The following LMBRD1 variants were observed in gnomAD, a reference collection of about 807,000 sequenced individuals.
LMBRD1 encodes the protein lysosomal cobalamin transport escort protein LMBD1.
LMBRD1 carries 64 observed loss-of-function variants against 74.8 expected under a neutral mutation model. The observed-to-expected ratio is 0.86, with a 90% CI of 0.70 to 1.05. The LOEUF (loss-of-function observed/expected upper bound fraction) is 1.05. Among genes scored for constraint, LMBRD1 ranks in the 50% least tolerant of loss-of-function variants. LMBRD1 has a pLI of 0.00. For synonymous variants in LMBRD1, 204 were observed against 216.3 expected (o/e 0.94, Z 0.50); for missense variants, 652 against 645.9 (o/e 1.01, Z -0.10).
At chr6:69,735,559 A>T (rs563142462) in intron 7 of LMBRD1, among the ~76,000 whole-genome samples, 41 of 152,336 alleles carry the variant, frequency 2.7e-4, no homozygotes, top group Non-Finnish European at 4.6e-4. Context: ...ATTGATTTAA[A>T]TAATTTTCAA....
intron 2 of LMBRD1, among the ~76,000 whole-genome samples, chr6:69,789,325 C>G (rs1468853552): frequency 2.0e-5 from 3 of 152,044 alleles, no homozygotes; most frequent in Non-Finnish European, 4.4e-5. Context: ...AAGTTTAAGA[C>G]CAGCCTGGCC....
At chr6:69,680,862 C>G (rs903084980) in intron 14 of LMBRD1, among the ~76,000 whole-genome samples, 2 of 152,066 alleles carry the variant, frequency 1.3e-5, no homozygotes, top group African/African-American at 4.8e-5. Flanking sequence ...CCGTTCTTCA[C>G]CATCTGCCAT....
chr6:69,676,431 G>T lies in LMBRD1; in HGVS notation c.1509+19C>A. 1 of 1,600,078 alleles carries T rather than the reference G, an allele frequency of 6.2e-7. No homozygotes were observed. Among genetic ancestry groups the T allele is most frequent in the African/African-American group, 1.3e-5 (1 of 74,686 alleles). On this transcript the variant is annotated intron_variant, in intron 15 of 15. Coordinates refer to ENST00000649934, the MANE Select transcript of LMBRD1 (RefSeq NM_018368.4). The stretch of plus-strand genomic sequence containing the variant: ...TTTATAAAGGAAGGTCAAATCACGC[G>T]TGGGATATCTGCACTTACCCCAAGA...
chr6:69,790,231 T>A, intron 2 of LMBRD1, 65 bp downstream of exon 2: 1 of 1,052,020 alleles, frequency 9.5e-7, no homozygotes, highest in Non-Finnish European at 1.5e-6. Context: ...ACAATATGTA[T>A]CGGACTGCCA....
At chr6:69,769,311 G>C (rs186537870) in intron 3 of LMBRD1, among the ~76,000 whole-genome samples, 1 of 152,022 alleles carries the variant, frequency 6.6e-6, no homozygotes, top group African/African-American at 2.4e-5. Context: ...TTTCACATCA[G>C]TTACTATATT....
chr6:69,682,647 T>C (rs1398875905), intron 14 of LMBRD1, among the ~76,000 whole-genome samples: 4 of 151,994 alleles, frequency 2.6e-5, no homozygotes, highest in Admixed American at 6.6e-5. Flanking sequence ...TATCTGCTGG[T>C]TGTAATTGTC....
In LMBRD1 at chr6:69,676,156, T is replaced by A. The variant is rs1765539077; in HGVS notation, c.*2A>T. ...TTATAAAACCTTTAAGACAGAAGGC[T>A]GTCAAGCAGAATAGACAGAGGGCTC... On this transcript the variant is annotated 3_prime_UTR_variant, in exon 16 of 16. Coordinates refer to ENST00000649934, the MANE Select transcript of LMBRD1 (RefSeq NM_018368.4). The A allele has an allele frequency of 1.2e-6, 2 of 1,606,458 alleles. No individual in the cohort carries two copies. The highest frequency in any genetic ancestry group is 1.7e-6 in the Non-Finnish European group (2 of 1,173,466).
Position 69,742,512 on chromosome 6 carries a change from T to C in LMBRD1, c.474-635A>G, listed in dbSNP as rs12526636. ...TCTATGATCTTAGACTGGGAAACGA[T>C]AGAATAAATAAATGTGCACTTTATT... On this transcript the variant is annotated intron_variant, in intron 5 of 15. Transcript: ENST00000649934. Among the ~76,000 whole-genome samples the C allele has an allele frequency of 1.4e-3, 220 of 152,202 alleles. No individual in the cohort carries two copies. In the Middle Eastern group the frequency reaches 0.017, roughly 12 times the overall value.
chr6:69,708,653 A>AAC (rs386407494), intron 9 of LMBRD1, among the ~76,000 whole-genome samples: 435 of 41,420 alleles, frequency 0.011, 3 homozygotes, highest in African/African-American at 0.055. Context: ...TCATGGGAAC[A>AAC]AAAAAAAAAA....
At chr6:69,763,316 A>C (rs1217354163) in intron 3 of LMBRD1, among the ~76,000 whole-genome samples, 1 of 152,194 alleles carries the variant, frequency 6.6e-6, no homozygotes. Context: ...CATTGCAAAA[A>C]AAAATGGAAA....
In LMBRD1 at chr6:69,736,274, C is replaced by A. The variant is rs1766975699; in HGVS notation, c.636+1668G>T. On this transcript the variant is annotated intron_variant, in intron 7 of 15. Transcript: ENST00000649934. ...GTATAGCAAATAGTCTTGGTAGATG[C>A]AGAAAATATCTTTCCCTGGAGCAAA... 1.3e-5 allele frequency among the ~76,000 whole-genome samples: 2 copies of A among 152,064 alleles called. 1 individual carries two copies. Among genetic ancestry groups the A allele is most frequent in the South Asian group, 4.1e-4 (2 of 4,824 alleles).
chr6:69,753,132 T>C (rs1335011851), intron 3 of LMBRD1, among the ~76,000 whole-genome samples: 2 of 152,166 alleles, frequency 1.3e-5, no homozygotes, highest in South Asian at 4.1e-4. Context: ...TGACATACTT[T>C]TAACCAGCAG....
At chr6:69,758,062 A>ATG (rs1765304131) in intron 3 of LMBRD1, among the ~76,000 whole-genome samples, 2 of 152,210 alleles carry the variant, frequency 1.3e-5, no homozygotes, top group South Asian at 4.1e-4. Flanking sequence ...CAAAGAATAC[A>ATG]TAGTAATTCC....
chr6:69,733,669 T>C (rs761923409), intron 7 of LMBRD1, among the ~76,000 whole-genome samples: 13 of 152,162 alleles, frequency 8.5e-5, no homozygotes, highest in Admixed American at 8.5e-4. Context: ...AATCATGGCT[T>C]GGCAGCAAAA....
intron 9 of LMBRD1, among the ~76,000 whole-genome samples, chr6:69,711,405 C>A (rs1766380685): frequency 6.6e-6 from 1 of 152,100 alleles, no homozygotes; most frequent in Non-Finnish European, 1.5e-5. Context: ...CCAGTCTGTA[C>A]ACTTAGTAAA....
At chr6:69,698,055 A>T (rs936581122) in intron 13 of LMBRD1, among the ~76,000 whole-genome samples, 4 of 152,066 alleles carry the variant, frequency 2.6e-5, no homozygotes, top group Non-Finnish European at 5.9e-5. Flanking sequence ...GGGATGAGGC[A>T]AGAAGAGAAT....
chr6:69,684,905 T>C (rs1473179453), intron 14 of LMBRD1, among the ~76,000 whole-genome samples: 32 of 152,168 alleles, frequency 2.1e-4, no homozygotes, highest in Non-Finnish European at 4.4e-5. Context: ...TATGTTACTT[T>C]AATAATACTA....
intron 1 of LMBRD1, among the ~76,000 whole-genome samples, chr6:69,791,258 A>G (rs1766076859): frequency 3.9e-5 from 6 of 152,202 alleles, no homozygotes; most frequent in Admixed American, 3.9e-4. Context: ...AGATTCAAGA[A>G]GTCTGGAGTG....
intron 9 of LMBRD1, among the ~76,000 whole-genome samples, chr6:69,706,538 C>T (rs7743876): frequency 0.36 from 55,098 of 151,838 alleles, 10,587 homozygotes; most frequent in East Asian, 0.54. Context: ...TTTTGTGTTC[C>T]CTGTACATTT....
Sources: allele counts gnomAD v4.1 joint callset (sites outside exome capture counted in the v4.1 genomes callset), GRCh38; gene constraint gnomAD v4.1.1; transcripts MANE v1.5; gene names NCBI Gene and HGNC (gene_info 2026-07-23, HGNC 2026-07-21).